DAB1: variants seen among roughly 807,000 people sequenced by gnomAD.
DAB1 encodes the protein disabled homolog 1.
In DAB1, 15 loss-of-function variants were observed where a neutral mutation model predicts 64.6. The observed-to-expected ratio is 0.23, with a 90% CI of 0.16 to 0.36. The LOEUF (loss-of-function observed/expected upper bound fraction) is 0.36, where lower values mean the gene tolerates loss of function less well. Ranked by LOEUF, DAB1 falls within the 10% of genes least tolerant of loss-of-function variation. The pLI, the probability that DAB1 is intolerant of heterozygous loss-of-function variation, is 1.00. For missense variants in DAB1, 596 were observed against 706.7 expected (o/e 0.84, Z 1.78); for synonymous variants, 235 against 251.9 (o/e 0.93, Z 0.64).
intron 6 of DAB1, among the ~76,000 whole-genome samples, chr1:57,721,241 G>A (rs3131722): frequency 0.054 from 8,214 of 152,136 alleles, 734 homozygotes; most frequent in African/African-American, 0.19. Flanking sequence ...AATTCCTGCC[G>A]CTGGAGATCA....
intron 5 of DAB1, among the ~76,000 whole-genome samples, chr1:57,908,264 C>T (rs1389895347): frequency 6.6e-6 from 1 of 152,156 alleles, no homozygotes; most frequent in Admixed American, 6.5e-5. Context: ...GACCTCCACC[C>T]TCCTGCCTTT....
At chr1:57,546,659 G>A (rs138530373) in intron 7 of DAB1, among the ~76,000 whole-genome samples, 12 of 152,284 alleles carry the variant, frequency 7.9e-5, no homozygotes, top group East Asian at 3.9e-4. Context: ...AGACAGTCAC[G>A]CACTGCATAA....
At position 58,378,244 on chromosome 1, in the gene DAB1, A is replaced by G. The variant is rs1370648189; in HGVS notation, n.258-34841T>C. ...GTGAGGAACTGCGTTCCTTTGGAGG[A>G]GGAGAGGTGCTCTGCGTTTTAGAGT... is the stretch of plus-strand genomic sequence containing the variant. On this transcript the variant is annotated intron_variant and non_coding_transcript_variant, in intron 3 of 20. Transcript: ENST00000485760. 1.7e-5 allele frequency among the ~76,000 whole-genome samples: 2 copies of G among 119,338 alleles called. 1 individual carries two copies. The highest frequency in any genetic ancestry group is 3.7e-5 in the Non-Finnish European group (2 of 53,858). The allele number at this position is 119,338 out of a possible 152,430, so 78.3% of individuals were successfully genotyped here. A position where few individuals can be genotyped will look rare whatever the true frequency, so the allele number is the denominator to read the frequency against.
intron 1 of DAB1, among the ~76,000 whole-genome samples, chr1:57,412,648 C>G (rs571751270): frequency 4.5e-4 from 68 of 152,240 alleles, no homozygotes; most frequent in African/African-American, 1.6e-3. Context: ...TTCCTTAAAC[C>G]AAATCCTGAT....
intron 7 of DAB1, among the ~76,000 whole-genome samples, chr1:57,458,642 A>G (rs1686681888): frequency 6.6e-6 from 1 of 152,156 alleles, no homozygotes; most frequent in Non-Finnish European, 1.5e-5. Flanking sequence ...TGATTTATAC[A>G]TTATAAAAAC....
chr1:57,725,659 G>T (rs1647199612), intron 6 of DAB1, among the ~76,000 whole-genome samples: 1 of 152,068 alleles, frequency 6.6e-6, no homozygotes, highest in South Asian at 2.1e-4. Flanking sequence ...CCTAGCACTT[G>T]GTAAATACAC....
intron 5 of DAB1, among the ~76,000 whole-genome samples, chr1:57,999,090 C>T (rs1296910440): frequency 1.3e-5 from 2 of 152,160 alleles, no homozygotes; most frequent in African/African-American, 4.8e-5. Flanking sequence ...TTTTAATCCT[C>T]GCTGTTCCTG....
At position 57,413,743 on chromosome 1, in the gene DAB1, C is replaced by CAA. The variant is rs58388088; in HGVS notation, c.-137+10185_-137+10186dup. Among the ~76,000 whole-genome samples, 213 of 64,150 alleles carry CAA rather than the reference C, an allele frequency of 3.3e-3. 1 individual carries two copies. The highest frequency in any genetic ancestry group is 0.014 in the Middle Eastern group (2 of 138). The allele number at this position is 64,150 out of a possible 152,430, so 42.1% of individuals were successfully genotyped here. A position where few individuals can be genotyped will look rare whatever the true frequency, so the allele number is the denominator to read the frequency against. On this transcript the variant is annotated intron_variant, in intron 1 of 14. Coordinates refer to ENST00000371236, the MANE Select transcript of DAB1 (RefSeq NM_001365792.1). ...CAGGCGACACAGCAAGACTCTGTCTCAAAAAAAAAAAAAAAAAAAAAAAAA... is the reference window on the plus strand; with the variant it reads ...CAGGCGACACAGCAAGACTCTGTCTCAAAAAAAAAAAAAAAAAAAAAAAAAAA...
intron 7 of DAB1, among the ~76,000 whole-genome samples, chr1:57,626,388 G>A (rs1003804366): frequency 3.3e-5 from 5 of 152,206 alleles, no homozygotes; most frequent in Admixed American, 2.0e-4. Context: ...TCACACCACA[G>A]AGGATGGTTG....
At chr1:58,142,970 A>T (rs1654371138) in intron 5 of DAB1, among the ~76,000 whole-genome samples, 1 of 150,964 alleles carries the variant, frequency 6.6e-6, no homozygotes, top group African/African-American at 2.4e-5. Context: ...CATCAGCTTC[A>T]CCTGGGCACT....
chr1:58,005,587 G>A (rs1646569772), intron 5 of DAB1, among the ~76,000 whole-genome samples: 1 of 147,398 alleles, frequency 6.8e-6, no homozygotes, highest in East Asian at 2.1e-4. Context: ...GCCAGGAGGG[G>A]CTCTGTGCGC....
intron 7 of DAB1, among the ~76,000 whole-genome samples, chr1:57,472,752 C>A (rs1416488463): frequency 6.6e-6 from 1 of 152,134 alleles, no homozygotes; most frequent in South Asian, 2.1e-4. Context: ...ATGCCCCCAG[C>A]CAAATAAACC....
At chr1:57,896,184 G>A (rs1329325148) in intron 5 of DAB1, among the ~76,000 whole-genome samples, 5 of 152,058 alleles carry the variant, frequency 3.3e-5, no homozygotes, top group Admixed American at 6.6e-5. Flanking sequence ...CAACCCTTCC[G>A]GGTCTCAGTT....
intron 6 of DAB1, among the ~76,000 whole-genome samples, chr1:57,816,324 C>A (rs1418634782): frequency 6.6e-6 from 1 of 152,220 alleles, no homozygotes; most frequent in African/African-American, 2.4e-5. Flanking sequence ...GGTGCTCTTG[C>A]AGGTGCACCT....
intron 3 of DAB1, among the ~76,000 whole-genome samples, chr1:58,485,819 ACG>A (rs1025776527): frequency 6.6e-6 from 1 of 152,182 alleles, no homozygotes; most frequent in African/African-American, 2.4e-5. Context: ...CACTTAACAA[ACG>A]CATGCTAAAT....
At chr1:57,117,995 T>C (rs1656292849) in intron 4 of DAB1, among the ~76,000 whole-genome samples, 1 of 152,182 alleles carries the variant, frequency 6.6e-6, no homozygotes, top group Non-Finnish European at 1.5e-5. Context: ...ACAGCCAGGC[T>C]GAAGTGAGGA....
intron 5 of DAB1, among the ~76,000 whole-genome samples, chr1:58,037,358 G>A (rs1264788393): frequency 6.6e-6 from 1 of 152,114 alleles, no homozygotes; most frequent in East Asian, 1.9e-4. Context: ...TTCCCTTACG[G>A]CAGGGGTCCC....
intron 5 of DAB1, among the ~76,000 whole-genome samples, chr1:58,138,256 A>G (rs1372838498): frequency 6.6e-6 from 1 of 152,178 alleles, no homozygotes; most frequent in African/African-American, 2.4e-5. Context: ...GCCCTTAGTC[A>G]TGCAGATAGT....
chr1:57,198,647 T>TCACACACA (rs576896744), intron 2 of DAB1, among the ~76,000 whole-genome samples: 31 of 112,958 alleles, frequency 2.7e-4, no homozygotes, highest in East Asian at 1.4e-3. Flanking sequence ...ATCTTCTCTC[T>TCACACACA]CTCACACACA....
Sources: allele counts gnomAD v4.1 joint callset (sites outside exome capture counted in the v4.1 genomes callset), GRCh38; gene constraint gnomAD v4.1.1; transcripts MANE v1.5; gene names NCBI Gene and HGNC (gene_info 2026-07-23, HGNC 2026-07-21).